GRWD1: variants seen among roughly 807,000 people sequenced by gnomAD.
GRWD1 encodes the protein glutamate rich WD repeat containing 1.
In GRWD1, 29 loss-of-function variants were observed where a neutral mutation model predicts 45.3. That is an observed-to-expected ratio of 0.64 (90% CI 0.48 to 0.87). GRWD1 has a LOEUF of 0.87. Among genes scored for constraint, GRWD1 ranks in the 40% least tolerant of loss-of-function variants. The probability of loss-of-function intolerance (pLI) is 0.00; values close to 1 mark genes in which losing one functional copy is unlikely to be tolerated. For missense variants in GRWD1, 592 were observed against 618.8 expected (o/e 0.96, Z 0.46); for synonymous variants, 262 against 257.6 (o/e 1.02, Z -0.16).
chr19:48,446,706 C>T lies in GRWD1; in HGVS notation c.331C>T (p.Leu111=). The T allele has an allele frequency of 6.2e-7, 1 of 1,606,288 alleles. No homozygotes were observed. Among genetic ancestry groups the T allele is most frequent in the Non-Finnish European group, 8.5e-7 (1 of 1,176,130 alleles). Residue 111 remains leucine (L), a synonymous_variant, in exon 3 of 7, where the codon CTG becomes TTG. Transcript: ENST00000253237. ...ACTGATGATGCTTCGGATGCACAAT[C>T]TGCATGGGACAAAGCCCCCACCCTC... ...NRLMMLRMHN[L]HGTKPPPSEG...
intron 3 of GRWD1, 56 bp downstream of exon 3, chr19:48,446,899 C>A: frequency 6.8e-7 from 1 of 1,469,454 alleles, no homozygotes; most frequent in South Asian, 1.3e-5. Context: ...CTGACCCATC[C>A]CCTGTGTCCA....
intron 3 of GRWD1, among the ~76,000 whole-genome samples, chr19:48,448,488 T>C (rs942092569): frequency 5.3e-5 from 8 of 152,180 alleles, no homozygotes; most frequent in Non-Finnish European, 1.2e-4. Context: ...GGGAACGAGA[T>C]GAAACTAAGT....
At position 48,450,791 on chromosome 19, in the gene GRWD1, T is replaced by A; in HGVS notation, c.808T>A (p.Ser270Thr). The A allele has an allele frequency of 6.2e-7, 1 of 1,613,796 alleles. No individual in the cohort carries two copies. The highest frequency in any genetic ancestry group is 8.5e-7 in the Non-Finnish European group (1 of 1,179,890). ...HTRSVEDLQW[S>T]PTENTVFASC... Reference sequence around the variant, plus strand: ...ACGCTCTGTGGAGGACCTGCAGTGGTCACCGACTGAGAACACGGTGAGGGA... The same window carrying A: ...ACGCTCTGTGGAGGACCTGCAGTGGACACCGACTGAGAACACGGTGAGGGA... The change falls in exon 5 of 7, where the codon TCA becomes ACA. Residue 270 changes from serine (S) to threonine (T), a missense_variant. Coordinates refer to ENST00000253237, the MANE Select transcript of GRWD1 (RefSeq NM_031485.4). This position sits in a 1 kb window ranked among gnomAD's most constrained non-coding sequence, Gnocchi z 5.1.
At chr19:48,447,237 C>T (rs767992317) in intron 3 of GRWD1, among the ~76,000 whole-genome samples, 2 of 151,666 alleles carry the variant, frequency 1.3e-5, no homozygotes, top group Admixed American at 6.6e-5. Context: ...CCAGGCCCTT[C>T]TAATTTTTTG....
chr19:48,453,017 A>G lies in GRWD1; in HGVS notation c.1333A>G (p.Ser445Gly), dbSNP rs1971494224. 1.9e-6 allele frequency: 3 copies of G among 1,584,660 alleles called. No individual in the cohort carries two copies. Among genetic ancestry groups the G allele is most frequent in the Non-Finnish European group, 2.6e-6 (3 of 1,160,766 alleles). Residue 445 changes from serine to glycine, a missense_variant, in exon 7 of 7, where the codon AGC (serine) becomes GGC (glycine). Ser to Gly is a moderately conservative substitution (Grantham distance 56, BLOSUM62 0). Coordinates refer to ENST00000253237, the MANE Select transcript of GRWD1 (RefSeq NM_031485.4). ...AGGCTTCACCATCTTCCGCACCATC[A>G]GCGTCTGAGGCGTCCCACTGGCTCT... ...LSGFTIFRTI[S>G]V
Position 48,451,088 on chromosome 19 carries a change from G to T in GRWD1, c.880G>T (p.Ala294Ser). 2 of 1,614,090 alleles carry T rather than the reference G, an allele frequency of 1.2e-6. No individual in the cohort carries two copies. Among genetic ancestry groups the T allele is most frequent in the South Asian group, 1.1e-5 (1 of 91,086 alleles). Residue 294 changes from alanine to serine, a missense_variant, in exon 6 of 7, where the codon GCC becomes TCC. Transcript: ENST00000253237. ...CATCCGCATCTGGGACATCCGGGCA[G>T]CCCCCAGCAAGGCCTGCATGCTCAC... ...ASIRIWDIRA[A>S]PSKACMLTTA...
chr19:48,450,976 C>T lies in GRWD1; in HGVS notation c.826-58C>T, dbSNP rs1031380083. 1.3e-6 allele frequency: 2 copies of T among 1,561,334 alleles called. No individual in the cohort carries two copies. The highest frequency in any genetic ancestry group is 1.4e-5 in the African/African-American group (1 of 73,608). ...AAGAGAGAGTAGCCCACCGCTGGCG[C>T]TTGGGCTTCACTGCGGGCTGGGGGG... On this transcript the variant is annotated intron_variant, in intron 5 of 6. Transcript: ENST00000253237. This position sits in a 1 kb window ranked among gnomAD's most constrained non-coding sequence, Gnocchi z 5.1.
chr19:48,446,884 C>T (rs533538855), intron 3 of GRWD1, 41 bp downstream of exon 3: 2 of 1,535,096 alleles, frequency 1.3e-6, no homozygotes, highest in South Asian at 1.2e-5. Context: ...TACTCTGAAA[C>T]ACATCTGACC....
At position 48,451,116 on chromosome 19, in the gene GRWD1, C is replaced by T. The variant is rs1436943535; in HGVS notation, c.908C>T (p.Thr303Ile). 20 of 1,614,054 alleles carry T rather than the reference C, an allele frequency of 1.2e-5. No homozygotes were observed. Among genetic ancestry groups the T allele is most frequent in the Non-Finnish European group, 1.7e-5 (20 of 1,180,002 alleles). ...CCCAGCAAGGCCTGCATGCTCACCA[C>T]AGCCACCGCCCATGATGGGGACGTC... ...AAPSKACMLT[T>I]ATAHDGDVNV... The change falls in exon 6 of 7, where the codon ACA (threonine) becomes ATA (isoleucine). Residue 303 changes from threonine to isoleucine, a missense_variant. Thr to Ile is a moderately conservative substitution (Grantham distance 89, BLOSUM62 -1). Coordinates refer to ENST00000253237, the MANE Select transcript of GRWD1 (RefSeq NM_031485.4).
chr19:48,450,955 G>T lies in GRWD1; in HGVS notation c.826-79G>T. The T allele has an allele frequency of 6.6e-7, 1 of 1,524,708 alleles. No individual in the cohort carries two copies. The allele number at this position is 1,524,708 out of a possible 1,614,324, so 94.4% of individuals were successfully genotyped here. On this transcript the variant is annotated intron_variant, in intron 5 of 6. Coordinates refer to ENST00000253237, the MANE Select transcript of GRWD1 (RefSeq NM_031485.4). This position sits in a 1 kb window ranked among gnomAD's most constrained non-coding sequence, Gnocchi z 5.1. ...TCATAGTAAGGGGAACAGTGAAAGA[G>T]AGAGTAGCCCACCGCTGGCGCTTGG...
rs1971462103 is a variant in GRWD1, at chr19:48,450,632, T to A, written c.683-34T>A. ...AGGAGGGGAGCGAGCTGCGGCCAGG[T>A]GGGGCGAGGTCATTTCCTGACTCCC... On this transcript the variant is annotated intron_variant, in intron 4 of 6. Coordinates refer to ENST00000253237, the MANE Select transcript of GRWD1 (RefSeq NM_031485.4). This position sits in a 1 kb window ranked among gnomAD's most constrained non-coding sequence, Gnocchi z 5.1. 4 of 1,610,446 alleles carry A rather than the reference T, an allele frequency of 2.5e-6. No homozygotes were observed. In the South Asian group the frequency reaches 4.4e-5, roughly 18 times the overall value.
At position 48,452,915 on chromosome 19, in the gene GRWD1, C is replaced by T. The variant is rs756464583; in HGVS notation, c.1231C>T (p.His411Tyr). The change falls in exon 7 of 7, where the codon CAC becomes TAC. Residue 411 changes from histidine to tyrosine, a missense_variant. Transcript: ENST00000253237. This position sits in a 1 kb window ranked among gnomAD's most constrained non-coding sequence, Gnocchi z 5.1. ...CCTCCCGCAGCAGCTGCTGTTCGTG[C>T]ACCAGGGCGAGACCGAGCTGAAGGA... Reference protein sequence around the residue: ...ADLPQQLLFVHQGETELKELH... With the variant: ...ADLPQQLLFVYQGETELKELH... 6.8e-6 allele frequency: 11 copies of T among 1,611,920 alleles called. No homozygotes were observed. Among genetic ancestry groups the T allele is most frequent in the Non-Finnish European group, 9.3e-6 (11 of 1,179,840 alleles).
chr19:48,448,183 T>G (rs1420789384), intron 3 of GRWD1, among the ~76,000 whole-genome samples: 1 of 152,144 alleles, frequency 6.6e-6, no homozygotes, highest in African/African-American at 2.4e-5. Flanking sequence ...ACTCCTGAGC[T>G]CAAGTGATCT....
chr19:48,450,925 C>A lies in GRWD1; in HGVS notation c.826-109C>A. ...GCCTGACGGAGGTTTAGTTTCCAGG[C>A]CAAGTCATAGTAAGGGGAACAGTGA... is the stretch of plus-strand genomic sequence containing the variant. On this transcript the variant is annotated intron_variant, in intron 5 of 6. Coordinates refer to ENST00000253237, the MANE Select transcript of GRWD1 (RefSeq NM_031485.4). The surrounding 1 kb of genome is among the most constrained non-coding windows in gnomAD (Gnocchi z 5.1). 1.3e-6 allele frequency: 2 copies of A among 1,503,474 alleles called. No individual in the cohort carries two copies. Among genetic ancestry groups the A allele is most frequent in the Non-Finnish European group, 1.8e-6 (2 of 1,104,116 alleles). 93.1% of individuals were successfully genotyped at this position (1,503,474 alleles called of 1,614,324 possible).
At position 48,450,674 on chromosome 19, in the gene GRWD1, C is replaced by T; in HGVS notation, c.691C>T (p.Leu231=). ...CTGACTCCCTTCCCCAGGTCGCCTGCTGACCGGTGACTGTCAAAAGAACAT... is the reference window on the plus strand; with the variant it reads ...CTGACTCCCTTCCCCAGGTCGCCTGTTGACCGGTGACTGTCAAAAGAACAT... ...DWSPRVTGRL[L]TGDCQKNIHL... is the part of the protein sequence containing the mutation. Residue 231 remains leucine (L), a synonymous_variant, in exon 5 of 7, where the codon CTG becomes TTG. Coordinates refer to ENST00000253237, the MANE Select transcript of GRWD1 (RefSeq NM_031485.4). This position sits in a 1 kb window ranked among gnomAD's most constrained non-coding sequence, Gnocchi z 5.1. 6.2e-7 allele frequency: 1 copy of T among 1,613,796 alleles called. No homozygotes were observed. The highest frequency in any genetic ancestry group is 8.5e-7 in the Non-Finnish European group (1 of 1,179,914).
At position 48,452,613 on chromosome 19, in the gene GRWD1, C is replaced by G; in HGVS notation, c.1024-95C>G. On this transcript the variant is annotated intron_variant, in intron 6 of 6. Transcript: ENST00000253237. The surrounding 1 kb of genome is among the most constrained non-coding windows in gnomAD (Gnocchi z 5.1). The stretch of plus-strand genomic sequence containing the variant: ...TTAAGGGGTGGGGCCCTGGCTGAAC[C>G]CTGAGGCTGGAGAAGGGTTGGGGCT... 2 of 1,098,790 alleles carry G rather than the reference C, an allele frequency of 1.8e-6. No individual in the cohort carries two copies. The highest frequency in any genetic ancestry group is 2.6e-6 in the Non-Finnish European group (2 of 757,802). The allele number at this position is 1,098,790 out of a possible 1,614,324, so 68.1% of individuals were successfully genotyped here.
At position 48,450,931 on chromosome 19, in the gene GRWD1, C is replaced by G. The variant is rs529941727; in HGVS notation, c.826-103C>G. The G allele has an allele frequency of 1.2e-5, 18 of 1,500,976 alleles. No homozygotes were observed. In the South Asian group the frequency reaches 1.7e-4, roughly 14 times the overall value. 93.0% of individuals were successfully genotyped at this position (1,500,976 alleles called of 1,614,324 possible). ...CGGAGGTTTAGTTTCCAGGCCAAGT[C>G]ATAGTAAGGGGAACAGTGAAAGAGA... On this transcript the variant is annotated intron_variant, in intron 5 of 6. Coordinates refer to ENST00000253237, the MANE Select transcript of GRWD1 (RefSeq NM_031485.4). The surrounding 1 kb of genome is among the most constrained non-coding windows in gnomAD (Gnocchi z 5.1).
At chr19:48,447,163 TC>T (rs1971419370) in intron 3 of GRWD1, among the ~76,000 whole-genome samples, 1 of 149,660 alleles carries the variant, frequency 6.7e-6, no homozygotes, top group Admixed American at 6.7e-5. Context: ...AACCTCCCCT[TC>T]CCAGGTTCAA....
Position 48,457,006 on chromosome 19 carries a change from T to C in GRWD1, c.*3981T>C, listed in dbSNP as rs1336265785. 1 of 151,398 alleles carries C rather than the reference T, an allele frequency of 6.6e-6. No individual in the cohort carries two copies. Among genetic ancestry groups the C allele is most frequent in the Non-Finnish European group, 1.5e-5 (1 of 67,920 alleles). The allele number at this position is 151,398 out of a possible 1,614,324, so 9.4% of individuals were successfully genotyped here. A position where few individuals can be genotyped will look rare whatever the true frequency, so the allele number is the denominator to read the frequency against. On this transcript the variant is annotated 3_prime_UTR_variant, in exon 7 of 7. Transcript: ENST00000253237. ...CACCTGCCCTCTTTTTTTTTTTTTT[T>C]TCTTTAAGAGATAGGGTCTTGCTCT...
Sources: allele counts gnomAD v4.1 joint callset (sites outside exome capture counted in the v4.1 genomes callset), GRCh38; gene constraint gnomAD v4.1.1; non-coding constraint Gnocchi (gnomAD v3.1); transcripts MANE v1.5; gene names NCBI Gene and HGNC (gene_info 2026-07-23, HGNC 2026-07-21).